The following ANTXR2 variants were observed in gnomAD, a reference collection of about 807,000 sequenced individuals.
ANTXR2 encodes ANTXR cell adhesion molecule 2.
In ANTXR2, 44 loss-of-function variants were observed where a neutral mutation model predicts 73.7. The observed-to-expected ratio is 0.60, with a 90% confidence interval of 0.47 to 0.77. The LOEUF (loss-of-function observed/expected upper bound fraction) is 0.77, where lower values mean the gene tolerates loss of function less well. Among genes scored for constraint, ANTXR2 ranks in the 30% least tolerant of loss-of-function variants. The probability of loss-of-function intolerance (pLI) is 0.00; values close to 1 mark genes in which losing one functional copy is unlikely to be tolerated. For synonymous variants in ANTXR2, 217 were observed against 205.9 expected, an observed-to-expected ratio of 1.05 and a Z score of -0.46; for missense variants, 604 against 592.5, an observed-to-expected ratio of 1.02 and a Z score of -0.20.
intron 7 of ANTXR2, 145 bp downstream of exon 7, chr4:80,054,127 C>A (rs371554215): frequency 1.1e-5 from 7 of 617,236 alleles, no homozygotes; most frequent in African/African-American, 6.0e-5. Flanking sequence ...TTTAGAATTA[C>A]ACTGTTTGCA....
chr4:80,014,962 T>C (rs1431558695), intron 11 of ANTXR2, among the ~76,000 whole-genome samples: 2 of 152,214 alleles, frequency 1.3e-5, no homozygotes, highest in Non-Finnish European at 2.9e-5. Flanking sequence ...CTCTTCCCTC[T>C]TGCAACAGTC....
rs912077593 is a variant in ANTXR2, at chr4:80,002,606, C to G, written c.1041+5915G>C. Among the ~76,000 whole-genome samples the G allele has an allele frequency of 1.8e-4, 28 of 152,008 alleles. 1 individual carries two copies. Among genetic ancestry groups the G allele is most frequent in the African/African-American group, 6.3e-4 (26 of 41,508 alleles). ...GCTTCTGCACAGCAAAAGAAACTAC[C>G]ATCAGAGTCAACAGGCAACCTACAA... On this transcript the variant is annotated intron_variant, in intron 12 of 16. Coordinates refer to ENST00000403729, the MANE Select transcript of ANTXR2 (RefSeq NM_058172.6).
At chr4:80,020,377 C>G (rs2110070480) in intron 10 of ANTXR2, among the ~76,000 whole-genome samples, 1 of 151,854 alleles carries the variant, frequency 6.6e-6, no homozygotes, top group East Asian at 1.9e-4. Flanking sequence ...CACAGTGAGA[C>G]TCTGTCAAAA....
chr4:80,008,475 T>G, intron 12 of ANTXR2, 46 bp downstream of exon 12: 3 of 1,457,064 alleles, frequency 2.1e-6, no homozygotes, highest in Non-Finnish European at 2.8e-6. Context: ...TTACTTTACA[T>G]CTTTCTAATT....
intron 7 of ANTXR2, among the ~76,000 whole-genome samples, chr4:80,040,832 T>C (rs1246521467): frequency 2.0e-5 from 3 of 151,874 alleles, no homozygotes; most frequent in African/African-American, 7.3e-5. Flanking sequence ...TATCGAAGCA[T>C]CTGTTCACCC....
chr4:79,989,235 A>G (rs796170388), intron 12 of ANTXR2, among the ~76,000 whole-genome samples: 2 of 152,058 alleles, frequency 1.3e-5, no homozygotes, highest in Admixed American at 6.5e-5. Context: ...AACAAGATTG[A>G]TAAACCACTA....
intron 16 of ANTXR2, among the ~76,000 whole-genome samples, chr4:79,914,918 A>G (rs1437901573): frequency 6.6e-6 from 1 of 152,162 alleles, no homozygotes; most frequent in African/African-American, 2.4e-5. Context: ...ACTTTATTCT[A>G]TTACACACTT....
chr4:79,993,782 A>ACACACACACACACACG (rs755550984), intron 12 of ANTXR2, among the ~76,000 whole-genome samples: 9,073 of 151,422 alleles, frequency 0.06, 328 homozygotes, highest in Middle Eastern at 0.092. Context: ...ACACACACAC[A>ACACACACACACACACG]CATGCACTTT....
intron 2 of ANTXR2, among the ~76,000 whole-genome samples, chr4:80,070,007 C>G (rs1466141547): frequency 1.3e-5 from 2 of 152,160 alleles, no homozygotes; most frequent in Non-Finnish European, 2.9e-5. Context: ...AACAATAAAT[C>G]ACTTTCTGCT....
At chr4:79,953,189 A>C (rs1400172440) in intron 16 of ANTXR2, among the ~76,000 whole-genome samples, 1 of 152,172 alleles carries the variant, frequency 6.6e-6, no homozygotes. Flanking sequence ...AATAGCTGGC[A>C]GCCCATTTGC....
At chr4:80,019,690 A>G (rs1732062614) in intron 10 of ANTXR2, among the ~76,000 whole-genome samples, 1 of 152,196 alleles carries the variant, frequency 6.6e-6, no homozygotes, top group Admixed American at 6.5e-5. Context: ...AAGAAAGTGA[A>G]TATGAAAGAC....
chr4:80,052,871 C>A (rs1190452998), intron 7 of ANTXR2, among the ~76,000 whole-genome samples: 1 of 151,534 alleles, frequency 6.6e-6, no homozygotes, highest in Non-Finnish European at 1.5e-5. Flanking sequence ...TCATCTGGAA[C>A]TCAGCTACTA....
At chr4:80,028,298 C>T (rs1391730952) in intron 10 of ANTXR2, among the ~76,000 whole-genome samples, 1 of 152,110 alleles carries the variant, frequency 6.6e-6, no homozygotes, top group Non-Finnish European at 1.5e-5. Flanking sequence ...CTTTCCTTTA[C>T]TCCATAACAT....
chr4:79,937,276 A>C (rs1345109178), intron 16 of ANTXR2, among the ~76,000 whole-genome samples: 4 of 152,236 alleles, frequency 2.6e-5, no homozygotes, highest in Admixed American at 2.6e-4. Flanking sequence ...TTCCTTGAAA[A>C]TTAATTACAT....
intron 16 of ANTXR2, among the ~76,000 whole-genome samples, chr4:79,912,362 G>A (rs1727178152): frequency 6.6e-6 from 1 of 151,866 alleles, no homozygotes. Context: ...CTTAAAATTT[G>A]TATAGCATAT....
chr4:80,031,708 C>T lies in ANTXR2; in HGVS notation c.797-16G>A. 2 of 1,428,984 alleles carry T rather than the reference C, an allele frequency of 1.4e-6. No homozygotes were observed. Among genetic ancestry groups the T allele is most frequent in the Non-Finnish European group, 1.8e-6 (2 of 1,086,842 alleles). The allele number at this position is 1,428,984 out of a possible 1,614,324, so 88.5% of individuals were successfully genotyped here. A position where few individuals can be genotyped will look rare whatever the true frequency, so the allele number is the denominator to read the frequency against. On this transcript the variant is annotated splice_polypyrimidine_tract_variant and intron_variant, in intron 9 of 16. Transcript: ENST00000403729. ...GGTTTTACACCTAGAAAATAAAATGCCACTGAATTAGTAAAGGGTTTTATG... is the reference window on the plus strand; with the variant it reads ...GGTTTTACACCTAGAAAATAAAATGTCACTGAATTAGTAAAGGGTTTTATG...
intron 1 of ANTXR2, 34 bp downstream of exon 1, chr4:80,072,375 A>C (rs184999270): frequency 6.4e-7 from 1 of 1,551,060 alleles, no homozygotes; most frequent in Non-Finnish European, 8.7e-7. Context: ...TGCCGCCCTC[A>C]CCAGGAGACC....
intron 16 of ANTXR2, among the ~76,000 whole-genome samples, chr4:79,932,897 G>C (rs1045687158): frequency 6.6e-6 from 1 of 150,778 alleles, no homozygotes; most frequent in Non-Finnish European, 1.5e-5. Flanking sequence ...CTACATTGCA[G>C]AAAGGATTCC....
chr4:79,935,246 C>T (rs1445915332), intron 16 of ANTXR2, among the ~76,000 whole-genome samples: 1 of 151,298 alleles, frequency 6.6e-6, no homozygotes, highest in Non-Finnish European at 1.5e-5. Flanking sequence ...AAAGCACTAC[C>T]ATTGACCAAT....
Sources: gnomAD v4.1 joint callset for allele counts (sites outside exome capture counted in the v4.1 genomes callset) on GRCh38, gnomAD v4.1.1 for gene constraint, MANE v1.5 for transcripts, NCBI Gene and HGNC (gene_info 2026-07-23, HGNC 2026-07-21) for gene names.